The following FHOD3 variants were observed in gnomAD, a reference collection of about 807,000 sequenced individuals.
FHOD3 encodes the protein FH1/FH2 domain-containing protein 3.
Under a neutral mutation model 173.0 loss-of-function variants are expected in FHOD3, and 90 were observed. The observed-to-expected ratio is 0.52, with a 90% CI of 0.44 to 0.62. The LOEUF (loss-of-function observed/expected upper bound fraction) is 0.62. FHOD3 is among the 20% of genes least tolerant of loss of function. FHOD3 has a pLI of 0.00. For synonymous variants in FHOD3, 828 were observed against 823.0 expected, an observed-to-expected ratio of 1.01 and a Z score of -0.10; for missense variants, 1,945 against 2,034.7, an observed-to-expected ratio of 0.96 and a Z score of 0.85.
At position 36,718,020 on chromosome 18, in the gene FHOD3, A is replaced by G. The variant is rs1043314255; in HGVS notation, c.2722A>G (p.Arg908Gly). The G allele has an allele frequency of 8.1e-6, 13 of 1,608,518 alleles. No homozygotes were observed. The highest frequency in any genetic ancestry group is 9.3e-6 in the Non-Finnish European group (11 of 1,177,294). ...EAEAVASLAT[R>G]ISTLQANSQT... The stretch of plus-strand genomic sequence containing the variant: ...AGAGGCGGTAGCCAGCCTTGCTACC[A>G]GGATATCCACCCTGCAGGCCAACTC... The change falls in exon 19 of 29, where the codon AGG (arginine) becomes GGG (glycine). Residue 908 changes from arginine to glycine, a missense_variant. Transcript: ENST00000590592.
intron 1 of FHOD3, among the ~76,000 whole-genome samples, chr18:36,354,710 G>C (rs2046278612): frequency 6.6e-6 from 1 of 152,042 alleles, no homozygotes; most frequent in Non-Finnish European, 1.5e-5. Context: ...GGAAGCTGAG[G>C]CAGAAGAATT....
chr18:36,471,260 C>T (rs959495848), intron 3 of FHOD3, among the ~76,000 whole-genome samples: 1 of 152,110 alleles, frequency 6.6e-6, no homozygotes, highest in Non-Finnish European at 1.5e-5. Flanking sequence ...ACCATGCTGC[C>T]ACCTCTCTGA....
intron 10 of FHOD3, among the ~76,000 whole-genome samples, chr18:36,644,313 A>G (rs550972158): frequency 2.0e-5 from 3 of 152,380 alleles, no homozygotes; most frequent in South Asian, 4.1e-4. Context: ...GAGAAAAAGC[A>G]AAGTTGTCAG....
intron 11 of FHOD3, among the ~76,000 whole-genome samples, chr18:36,650,281 T>C (rs1276407993): frequency 1.3e-5 from 2 of 152,184 alleles, no homozygotes; most frequent in Non-Finnish European, 2.9e-5. Context: ...TTGCCAACTT[T>C]AGATTTAATG....
intron 5 of FHOD3, among the ~76,000 whole-genome samples, chr18:36,541,885 C>T (rs2057237392): frequency 6.6e-6 from 1 of 152,198 alleles, no homozygotes; most frequent in Admixed American, 6.5e-5. Flanking sequence ...GCCCTTTCTT[C>T]TAAGTACTCA....
intron 3 of FHOD3, among the ~76,000 whole-genome samples, chr18:36,405,576 A>G (rs2049015342): frequency 1.3e-5 from 2 of 152,204 alleles, no homozygotes; most frequent in African/African-American, 2.4e-5. Context: ...GATTTCTTGA[A>G]TATATAAAAT....
intron 24 of FHOD3, 77 bp downstream of exon 24, chr18:36,747,212 A>C: frequency 8.2e-7 from 1 of 1,213,270 alleles, no homozygotes; most frequent in Non-Finnish European, 1.1e-6. Context: ...TTAAGAGCCG[A>C]TGGTTAAATT....
intron 5 of FHOD3, among the ~76,000 whole-genome samples, chr18:36,539,470 A>G (rs2057121369): frequency 6.6e-6 from 1 of 152,236 alleles, no homozygotes; most frequent in African/African-American, 2.4e-5. Flanking sequence ...GTCACCGTCC[A>G]GAGAGGAAAG....
chr18:36,334,256 A>T (rs1257575980), intron 1 of FHOD3, among the ~76,000 whole-genome samples: 1 of 152,236 alleles, frequency 6.6e-6, no homozygotes, highest in Non-Finnish European at 1.5e-5. Context: ...ATACTTATTC[A>T]TTAGGAAAAA....
intron 3 of FHOD3, among the ~76,000 whole-genome samples, chr18:36,481,820 A>G (rs1226724500): frequency 6.6e-6 from 1 of 152,224 alleles, no homozygotes; most frequent in Non-Finnish European, 1.5e-5. Flanking sequence ...ATTTAAAAAA[A>G]AAAGTCTTTG....
At chr18:36,773,942 A>G (rs1289913305) in intron 28 of FHOD3, among the ~76,000 whole-genome samples, 1 of 152,104 alleles carries the variant, frequency 6.6e-6, no homozygotes, top group Non-Finnish European at 1.5e-5. Context: ...GAGGGCTGAC[A>G]CTCTCGACTT....
chr18:36,713,618 A>G (rs1212419556), intron 18 of FHOD3, among the ~76,000 whole-genome samples: 5 of 152,242 alleles, frequency 3.3e-5, no homozygotes, highest in African/African-American at 9.6e-5. Flanking sequence ...ATAGTTTACA[A>G]TAATGTGTAT....
intron 10 of FHOD3, among the ~76,000 whole-genome samples, chr18:36,634,398 A>T (rs1195867950): frequency 6.6e-6 from 1 of 152,130 alleles, no homozygotes; most frequent in Non-Finnish European, 1.5e-5. Flanking sequence ...AAGTTTTAGG[A>T]CAGCACAGCT....
chr18:36,722,824 TG>T (rs1439016261), intron 19 of FHOD3, among the ~76,000 whole-genome samples: 2 of 152,172 alleles, frequency 1.3e-5, no homozygotes, highest in Non-Finnish European at 2.9e-5. Context: ...GAAGGAGCAC[TG>T]TGTTCCCCAC....
At chr18:36,415,659 C>A (rs1173221756) in intron 3 of FHOD3, among the ~76,000 whole-genome samples, 1 of 152,144 alleles carries the variant, frequency 6.6e-6, no homozygotes, top group Non-Finnish European at 1.5e-5. Flanking sequence ...AGCAGAAACC[C>A]AAGTCATACG....
intron 14 of FHOD3, among the ~76,000 whole-genome samples, chr18:36,678,185 C>G (rs1327966585): frequency 6.6e-6 from 1 of 152,068 alleles, no homozygotes; most frequent in Non-Finnish European, 1.5e-5. Flanking sequence ...CAAATATAAG[C>G]AATGATGGAA....
At chr18:36,619,091 C>T (rs1280616229) in intron 9 of FHOD3, among the ~76,000 whole-genome samples, 2 of 152,224 alleles carry the variant, frequency 1.3e-5, no homozygotes, top group Non-Finnish European at 2.9e-5. Context: ...TCCTTTTCCT[C>T]TGCCTGCTTG....
intron 28 of FHOD3, among the ~76,000 whole-genome samples, chr18:36,770,612 A>G (rs1463862281): frequency 6.6e-6 from 1 of 152,104 alleles, no homozygotes; most frequent in Non-Finnish European, 1.5e-5. Context: ...AGGGAATGGG[A>G]TTCTCATTCA....
chr18:36,330,536 G>A (rs79936584), intron 1 of FHOD3, among the ~76,000 whole-genome samples: 1,584 of 152,198 alleles, frequency 0.01, 20 homozygotes, highest in African/African-American at 0.035. Context: ...GGGCTTTGCC[G>A]GAATGGGTAG....
Sources: gnomAD v4.1 joint callset for allele counts (sites outside exome capture counted in the v4.1 genomes callset) on GRCh38, gnomAD v4.1.1 for gene constraint, MANE v1.5 for transcripts, NCBI Gene and HGNC (gene_info 2026-07-23, HGNC 2026-07-21) for gene names.